The following ANP32E variants were observed in gnomAD, a reference collection of about 807,000 sequenced individuals.
The protein encoded by ANP32E is acidic nuclear phosphoprotein 32 family member E.
A neutral mutation model predicts 35.3 loss-of-function variants in ANP32E; 14 were observed. The observed-to-expected ratio is 0.40, with a 90% CI of 0.26 to 0.62. The LOEUF (loss-of-function observed/expected upper bound fraction) is 0.62, where lower values mean the gene tolerates loss of function less well. Ranked by LOEUF, ANP32E falls within the 20% of genes least tolerant of loss-of-function variation. ANP32E has a pLI of 0.45. For missense variants in ANP32E, 198 were observed against 304.4 expected, an observed-to-expected ratio of 0.65 and a Z score of 2.60; for synonymous variants, 89 against 110.4, an observed-to-expected ratio of 0.81 and a Z score of 1.22.
At chr1:150,223,435 C>G (rs868963710) in intron 5 of ANP32E, 195 bp from the exon 6 acceptor site, 7 of 587,538 alleles carry the variant, frequency 1.2e-5, no homozygotes, top group South Asian at 7.3e-5. Flanking sequence ...AATCCCAGTA[C>G]TTTGGGAGGC....
intron 5 of ANP32E, among the ~76,000 whole-genome samples, chr1:150,225,438 G>A (rs929520909): frequency 2.0e-5 from 3 of 152,068 alleles, no homozygotes; most frequent in African/African-American, 7.2e-5. Flanking sequence ...GGGATGCCAA[G>A]GTGGGCGGAT....
chr1:150,222,256 T>G (rs1221018661), intron 6 of ANP32E, among the ~76,000 whole-genome samples: 3 of 150,264 alleles, frequency 2.0e-5, no homozygotes, highest in Non-Finnish European at 4.4e-5. Context: ...CCGTCTCTAC[T>G]AAAAATACAA....
chr1:150,227,459 C>A (rs2101776334), intron 4 of ANP32E, among the ~76,000 whole-genome samples: 1 of 152,140 alleles, frequency 6.6e-6, no homozygotes. Context: ...AACATAGATG[C>A]AGCTGGGGAC....
chr1:150,220,017 C>A lies in ANP32E; in HGVS notation c.*674G>T, dbSNP rs1553837063. The A allele has an allele frequency of 6.6e-6, 1 of 152,120 alleles. No individual in the cohort carries two copies. Among genetic ancestry groups the A allele is most frequent in the African/African-American group, 2.4e-5 (1 of 41,434 alleles). The allele number at this position is 152,120 out of a possible 1,614,324, so 9.4% of individuals were successfully genotyped here. A position where few individuals can be genotyped will look rare whatever the true frequency, so the allele number is the denominator to read the frequency against. On this transcript the variant is annotated 3_prime_UTR_variant, in exon 7 of 7. Coordinates refer to ENST00000583931, the MANE Select transcript of ANP32E (RefSeq NM_030920.5). ...CTGACAAAAGGGCTCACCTGCATGT[C>A]TCTGGACTTAGTATAAGCAATTTTT...
intron 1 of ANP32E, among the ~76,000 whole-genome samples, chr1:150,234,240 A>G (rs1649591594): frequency 6.6e-6 from 1 of 152,126 alleles, no homozygotes; most frequent in Non-Finnish European, 1.5e-5. Flanking sequence ...AACCCAAGCC[A>G]CCAAAAAGTA....
chr1:150,230,489 A>G, intron 3 of ANP32E, 82 bp downstream of exon 3: 1 of 1,377,756 alleles, frequency 7.3e-7, no homozygotes, highest in Non-Finnish European at 9.8e-7. Flanking sequence ...TTTAAGAGTT[A>G]AATAGAAATT....
chr1:150,231,957 C>A (rs782491020), intron 1 of ANP32E, 31 bp from the exon 2 acceptor site: 35 of 1,600,740 alleles, frequency 2.2e-5, no homozygotes, highest in Non-Finnish European at 2.8e-5. Context: ...ATTAATGATT[C>A]TTTAGTTTGT....
In ANP32E at chr1:150,219,570, A is replaced by C. The variant is rs1209170499; in HGVS notation, c.*1121T>G. Reference sequence around the variant, plus strand: ...GAGGCCAACATTAAAATTTGACTTTAATGTCTTATTAATATATCAACAGGC... The same window carrying C: ...GAGGCCAACATTAAAATTTGACTTTCATGTCTTATTAATATATCAACAGGC... On this transcript the variant is annotated 3_prime_UTR_variant, in exon 7 of 7. Transcript: ENST00000583931. 1 of 152,208 alleles carries C rather than the reference A, an allele frequency of 6.6e-6. No homozygotes were observed. The highest frequency in any genetic ancestry group is 1.5e-5 in the Non-Finnish European group (1 of 68,036). 9.4% of individuals were successfully genotyped at this position (152,208 alleles called of 1,614,324 possible).
chr1:150,227,535 G>A lies in ANP32E; in HGVS notation c.494-740C>T, dbSNP rs1002143637. ...TACTGCATGCTCACTCTTACAAGCA[G>A]GAGTTAAACACTGGGGACACAGGGA... On this transcript the variant is annotated intron_variant, in intron 4 of 6. Coordinates refer to ENST00000583931, the MANE Select transcript of ANP32E (RefSeq NM_030920.5). Among the ~76,000 whole-genome samples the A allele has an allele frequency of 7.9e-5, 12 of 151,746 alleles. No homozygotes were observed. The South Asian group carries it at 2.5e-3, about 32-fold the overall frequency.
At chr1:150,229,901 C>T (rs972909804) in intron 3 of ANP32E, among the ~76,000 whole-genome samples, 2 of 152,168 alleles carry the variant, frequency 1.3e-5, no homozygotes, top group Admixed American at 6.5e-5. Flanking sequence ...CGCAAGCCAC[C>T]GTGCCCGACC....
Position 150,220,173 on chromosome 1 carries a change from C to T in ANP32E, c.*518G>A, listed in dbSNP as rs1648217476. The T allele has an allele frequency of 8.0e-6, 1 of 124,750 alleles. No homozygotes were observed. The highest frequency in any genetic ancestry group is 9.7e-5 in the Admixed American group (1 of 10,288). The allele number at this position is 124,750 out of a possible 1,614,324, so 7.7% of individuals were successfully genotyped here. The stretch of plus-strand genomic sequence containing the variant: ...TATTCTGCTTCTATTTTCCAAGTTA[C>T]TTGTGACAAAAAAGCAACCAAACAC... On this transcript the variant is annotated 3_prime_UTR_variant, in exon 7 of 7. Coordinates refer to ENST00000583931, the MANE Select transcript of ANP32E (RefSeq NM_030920.5).
At chr1:150,221,040 G>C (rs1321795482) in intron 6 of ANP32E, among the ~76,000 whole-genome samples, 1 of 141,294 alleles carries the variant, frequency 7.1e-6, no homozygotes, top group Non-Finnish European at 1.5e-5. Context: ...CCATGAACCT[G>C]GAAGGCAGAG....
intron 6 of ANP32E, among the ~76,000 whole-genome samples, chr1:150,222,502 T>C (rs587700499): frequency 4.4e-5 from 5 of 114,398 alleles, no homozygotes; most frequent in Non-Finnish European, 7.1e-5. Context: ...ACATCTACAA[T>C]CCCAGCACTT....
In ANP32E at chr1:150,230,478, T is replaced by C. The variant is rs192787783; in HGVS notation, c.327+93A>G. 87 of 1,293,964 alleles carry C rather than the reference T, an allele frequency of 6.7e-5. 1 individual carries two copies. The Admixed American group carries it at 1.6e-3, about 24-fold the overall frequency. The allele number at this position is 1,293,964 out of a possible 1,614,324, so 80.2% of individuals were successfully genotyped here. On this transcript the variant is annotated intron_variant, in intron 3 of 6. Transcript: ENST00000583931. ...TCACAACATACAAAAAATTCTTAAG[T>C]TTTAAGAGTTAAATAGAAATTAATA...
intron 6 of ANP32E, among the ~76,000 whole-genome samples, chr1:150,222,886 T>C (rs1648544745): frequency 6.6e-6 from 1 of 152,142 alleles, no homozygotes; most frequent in East Asian, 1.9e-4. Context: ...CTGTCCAAAA[T>C]GAGACTCTAT....
chr1:150,223,807 G>A (rs1648646171), intron 5 of ANP32E, among the ~76,000 whole-genome samples: 2 of 149,620 alleles, frequency 1.3e-5, no homozygotes, highest in Admixed American at 6.7e-5. Flanking sequence ...GTGCAATGGC[G>A]TGATCTCGGC....
chr1:150,231,939 A>C lies in ANP32E; in HGVS notation c.55-13T>G. The C allele has an allele frequency of 6.2e-7, 1 of 1,607,734 alleles. No homozygotes were observed. Among genetic ancestry groups the C allele is most frequent in the Non-Finnish European group, 8.5e-7 (1 of 1,178,128 alleles). ...CTAACTCTGTCACCTGTAAGAGGGA[A>C]AACATTAATTAATGATTCTTTAGTT... On this transcript the variant is annotated splice_polypyrimidine_tract_variant and intron_variant, in intron 1 of 6. Transcript: ENST00000583931.
At chr1:150,221,392 T>C (rs1441765566) in intron 6 of ANP32E, among the ~76,000 whole-genome samples, 2 of 143,734 alleles carry the variant, frequency 1.4e-5, no homozygotes, top group Non-Finnish European at 3.0e-5. Flanking sequence ...TGAGCCGAGA[T>C]TGCACCACTG....
chr1:150,222,414 A>G (rs587667240), intron 6 of ANP32E, among the ~76,000 whole-genome samples: 91 of 5,094 alleles, frequency 0.018, no homozygotes, highest in African/African-American at 0.061. Flanking sequence ...GCGAGACTCC[A>G]TCTCAAAAAA....
Sources: allele counts gnomAD v4.1 joint callset (sites outside exome capture counted in the v4.1 genomes callset), GRCh38; gene constraint gnomAD v4.1.1; transcripts MANE v1.5; gene names NCBI Gene and HGNC (gene_info 2026-07-23, HGNC 2026-07-21).